MAOA: variants seen among roughly 807,000 people sequenced by gnomAD.
The protein encoded by MAOA is amine oxidase [flavin-containing] A.
A neutral mutation model predicts 42.0 loss-of-function variants in MAOA; 6 were observed. The observed-to-expected ratio is 0.14, with a 90% CI of 0.08 to 0.28. MAOA has a LOEUF of 0.28. Among genes scored for constraint, MAOA ranks in the 10% least tolerant of loss-of-function variants. MAOA has a pLI of 1.00. For synonymous variants in MAOA, 140 were observed against 154.0 expected, an observed-to-expected ratio of 0.91 and a Z score of 0.67; for missense variants, 262 against 422.3, an observed-to-expected ratio of 0.62 and a Z score of 3.33.
chrX:43,745,576 T>C lies in MAOA; in HGVS notation c.*1063T>C, dbSNP rs2033993282. On this transcript the variant is annotated 3_prime_UTR_variant, in exon 15 of 15. Coordinates refer to ENST00000338702, the MANE Select transcript of MAOA (RefSeq NM_000240.4). ...AAATACATATGATAAATTTGACTGT[T>C]ATTTGTTGAGACTATCAAACAGAAA... The C allele has an allele frequency of 8.9e-6, 1 of 111,887 alleles. No individual in the cohort carries two copies. Among genetic ancestry groups the C allele is most frequent in the Non-Finnish European group, 1.9e-5 (1 of 53,198 alleles). The allele number at this position is 111,887 out of a possible 1,213,427, so 9.2% of individuals were successfully genotyped here.
intron 4 of MAOA, among the ~76,000 whole-genome samples, chrX:43,712,324 G>C (rs192901861): frequency 9.0e-6 from 1 of 111,351 alleles, no homozygotes; most frequent in East Asian, 2.8e-4. Flanking sequence ...TGCCATTTTA[G>C]ATAGTAAAGG....
At chrX:43,708,442 C>A (rs2033673416) in intron 3 of MAOA, among the ~76,000 whole-genome samples, 1 of 110,771 alleles carries the variant, frequency 9.0e-6, no homozygotes. Flanking sequence ...GCAGTTCTCA[C>A]TCAGCCAAAA....
intron 2 of MAOA, 32 bp downstream of exon 2, chrX:43,683,639 A>AGTAT: frequency 9.3e-7 from 1 of 1,072,571 alleles, no homozygotes; most frequent in Non-Finnish European, 1.3e-6. Context: ...ATGTAATGTA[A>AGTAT]TATCTCACTC....
At chrX:43,720,220 G>T (rs2033777966) in intron 5 of MAOA, among the ~76,000 whole-genome samples, 1 of 110,212 alleles carries the variant, frequency 9.1e-6, no homozygotes, top group African/African-American at 3.3e-5. Context: ...GGTGTTAGGG[G>T]ATGGTGTCTT....
intron 2 of MAOA, among the ~76,000 whole-genome samples, chrX:43,688,064 G>A (rs185671786): frequency 8.9e-6 from 1 of 112,165 alleles, no homozygotes. Flanking sequence ...CCCTGCTCAA[G>A]ACCTTCCAAC....
intron 1 of MAOA, among the ~76,000 whole-genome samples, chrX:43,670,531 T>G (rs1266289643): frequency 1.9e-5 from 2 of 105,806 alleles, no homozygotes; most frequent in African/African-American, 6.9e-5. Context: ...TGTGCCATGC[T>G]GGTGTGCTGC....
At chrX:43,686,684 A>G (rs1282738117) in intron 2 of MAOA, among the ~76,000 whole-genome samples, 4 of 111,392 alleles carry the variant, frequency 3.6e-5, no homozygotes, top group Non-Finnish European at 3.8e-5. Flanking sequence ...CTGTAGTCAC[A>G]GCTACTTGGG....
intron 2 of MAOA, among the ~76,000 whole-genome samples, chrX:43,685,771 G>A (rs1429745748): frequency 9.0e-6 from 1 of 111,456 alleles, no homozygotes; most frequent in East Asian, 2.8e-4. Context: ...CATCTCCAGG[G>A]GACACTATAG....
Position 43,744,422 on chromosome X carries a change from T to C in MAOA, c.1493T>C (p.Val498Ala), listed in dbSNP as rs757142968. Residue 498 changes from valine to alanine, a missense_variant, in exon 15 of 15, where the codon GTT (valine) becomes GCT (alanine). Val to Ala is a moderately conservative substitution (Grantham distance 64). Transcript: ENST00000338702. ...TTCTGGGAAAGGAACCTGCCCTCTG[T>C]TTCTGGCCTGCTGAAGATCATTGGA... ...HTFWERNLPSVSGLLKIIGFS... is the reference protein window; with the variant it reads ...HTFWERNLPSASGLLKIIGFS... 1 of 1,210,181 alleles carries C rather than the reference T, an allele frequency of 8.3e-7. No individual in the cohort carries two copies. Among genetic ancestry groups the C allele is most frequent in the East Asian group, 3.0e-5 (1 of 33,817 alleles).
At chrX:43,680,265 T>C (rs1482376999) in intron 1 of MAOA, among the ~76,000 whole-genome samples, 2 of 111,242 alleles carry the variant, frequency 1.8e-5, no homozygotes, top group African/African-American at 6.5e-5. Context: ...TGTATATGAG[T>C]AAAATACTGG....
chrX:43,743,715 T>G, intron 12 of MAOA, 79 bp from the exon 13 acceptor site: 1 of 1,058,056 alleles, frequency 9.5e-7, no homozygotes, highest in East Asian at 3.3e-5. Flanking sequence ...TTCTGCAGAC[T>G]AAATGAGGGC....
chrX:43,692,378 TACTGAA>T (rs1410068441), intron 2 of MAOA, among the ~76,000 whole-genome samples: 1 of 110,874 alleles, frequency 9.0e-6, no homozygotes, highest in Admixed American at 9.7e-5. Flanking sequence ...TCCTCTCAGG[TACTGAA>T]AATGGTATAA....
chrX:43,683,504 T>A lies in MAOA; in HGVS notation c.74-9T>A, dbSNP rs887473112. ...AATGTTACGTTGCTCTTTTTTGTTT[T>A]TCCTTTAGGACTATCTGCTGCCAAA... is the stretch of plus-strand genomic sequence containing the variant. On this transcript the variant is annotated splice_polypyrimidine_tract_variant and intron_variant, in intron 1 of 14. Coordinates refer to ENST00000338702, the MANE Select transcript of MAOA (RefSeq NM_000240.4). 2 of 1,199,662 alleles carry A rather than the reference T, an allele frequency of 1.7e-6. No homozygotes were observed. The highest frequency in any genetic ancestry group is 2.2e-5 in the Admixed American group (1 of 46,041).
chrX:43,717,459 G>C (rs745915089), intron 5 of MAOA, among the ~76,000 whole-genome samples: 1 of 112,004 alleles, frequency 8.9e-6, no homozygotes, highest in Non-Finnish European at 1.9e-5. Flanking sequence ...TTCTGGGAAT[G>C]AGCCACAGGT....
At chrX:43,708,868 T>C (rs2033678834) in intron 3 of MAOA, among the ~76,000 whole-genome samples, 1 of 107,744 alleles carries the variant, frequency 9.3e-6, no homozygotes, top group African/African-American at 3.4e-5. Flanking sequence ...TTTTTGTTTG[T>C]TTGTGTGTTT....
At chrX:43,677,227 A>G (rs2033405632) in intron 1 of MAOA, among the ~76,000 whole-genome samples, 1 of 111,933 alleles carries the variant, frequency 8.9e-6, no homozygotes, top group Non-Finnish European at 1.9e-5. Flanking sequence ...CATTGCACAA[A>G]TTAACTCCCA....
chrX:43,681,716 C>T (rs1306624986), intron 1 of MAOA, among the ~76,000 whole-genome samples: 1 of 110,026 alleles, frequency 9.1e-6, no homozygotes, highest in Non-Finnish European at 1.9e-5. Flanking sequence ...ATATAACTAG[C>T]ATTTTCTCCC....
At chrX:43,698,099 C>A (rs1291604621) in intron 3 of MAOA, among the ~76,000 whole-genome samples, 1 of 112,131 alleles carries the variant, frequency 8.9e-6, no homozygotes, top group Non-Finnish European at 1.9e-5. Context: ...TTGTAAATAA[C>A]ACTGAAGTGA....
chrX:43,736,132 T>C, intron 9 of MAOA, 95 bp from the exon 10 acceptor site: 1 of 613,647 alleles, frequency 1.6e-6, no homozygotes, highest in Non-Finnish European at 2.6e-6. Flanking sequence ...CATTTCATGC[T>C]GAATAGCTAC....
Sources: gnomAD v4.1 joint callset for allele counts (sites outside exome capture counted in the v4.1 genomes callset) on GRCh38, gnomAD v4.1.1 for gene constraint, MANE v1.5 for transcripts, NCBI Gene and HGNC (gene_info 2026-07-23, HGNC 2026-07-21) for gene names.